CNIH3: variants seen among roughly 807,000 people sequenced by gnomAD.
CNIH3 encodes cornichon family AMPA receptor auxiliary protein 3, also known as protein cornichon homolog 3.
In CNIH3, 14 loss-of-function variants were observed where a neutral mutation model predicts 24.1. The ratio of observed to expected loss-of-function variants is 0.58; its 90% CI spans 0.38 to 0.91. CNIH3 has a LOEUF of 0.91. Ranked by LOEUF, CNIH3 falls within the 40% of genes least tolerant of loss-of-function variation. The pLI, the probability that CNIH3 is intolerant of heterozygous loss-of-function variation, is 0.00. For synonymous variants in CNIH3, 68 were observed against 73.8 expected (o/e 0.92, Z 0.40); for missense variants, 178 against 196.8 (o/e 0.90, Z 0.57).
intron 3 of CNIH3, among the ~76,000 whole-genome samples, chr1:224,700,163 A>G (rs1687405045): frequency 1.3e-5 from 2 of 152,182 alleles, no homozygotes; most frequent in Admixed American, 6.5e-5. Flanking sequence ...TATGGAGGCC[A>G]CTAATAAAAC....
chr1:224,711,844 C>G (rs987275282), intron 3 of CNIH3, among the ~76,000 whole-genome samples: 2 of 145,964 alleles, frequency 1.4e-5, no homozygotes, highest in African/African-American at 5.0e-5. Context: ...GTTGGCTTCT[C>G]TAAAGCCTCT....
intron 3 of CNIH3, among the ~76,000 whole-genome samples, chr1:224,728,166 G>A (rs1220600017): frequency 6.6e-6 from 1 of 152,228 alleles, no homozygotes; most frequent in African/African-American, 2.4e-5. Flanking sequence ...CTCTAAACAT[G>A]TTAATTGCCT....
intron 1 of CNIH3, among the ~76,000 whole-genome samples, chr1:224,470,315 G>C (rs1233522396): frequency 6.7e-6 from 1 of 149,318 alleles, no homozygotes; most frequent in Non-Finnish European, 1.5e-5. Context: ...ACTGTGCCTG[G>C]CCTTTTTTTT....
rs904069539 is a variant in CNIH3, at chr1:224,696,668, A to C, written c.198+11825A>C. 4.9e-4 allele frequency among the ~76,000 whole-genome samples: 74 copies of C among 152,122 alleles called. 1 individual carries two copies. The highest frequency in any genetic ancestry group is 4.8e-3 in the Admixed American group (74 of 15,272). Reference sequence around the variant, plus strand: ...AGTGCTGGCTGTTGGCTTTGATGGAACAGCCCAATAGGTACCAATCTGAAT... The same window carrying C: ...AGTGCTGGCTGTTGGCTTTGATGGACCAGCCCAATAGGTACCAATCTGAAT... On this transcript the variant is annotated intron_variant, in intron 3 of 5. Coordinates refer to ENST00000272133, the MANE Select transcript of CNIH3 (RefSeq NM_152495.2).
intron 3 of CNIH3, among the ~76,000 whole-genome samples, chr1:224,719,967 C>T (rs1468971783): frequency 2.6e-5 from 4 of 152,236 alleles, no homozygotes; most frequent in African/African-American, 7.2e-5. Context: ...AGACAACCCC[C>T]TCTGCCTGGG....
rs1055344097 is a variant in CNIH3 at position 224,630,506 on chromosome 1, C to A, written c.81+13251C>A. Among the ~76,000 whole-genome samples, 9 of 152,118 alleles carry A rather than the reference C, an allele frequency of 5.9e-5. 1 individual carries two copies. Among genetic ancestry groups the A allele is most frequent in the African/African-American group, 2.2e-4 (9 of 41,418 alleles). The stretch of plus-strand genomic sequence containing the variant: ...AGGTAGTTTCTCTCTCACACATGTA[C>A]ACAATTACCACCGCAACAAAAAATT... On this transcript the variant is annotated intron_variant, in intron 1 of 5. Coordinates refer to ENST00000272133, the MANE Select transcript of CNIH3 (RefSeq NM_152495.2).
chr1:224,440,902 T>C (rs912560056), intron 1 of CNIH3, among the ~76,000 whole-genome samples: 9 of 151,952 alleles, frequency 5.9e-5, no homozygotes, highest in Non-Finnish European at 1.2e-4. Context: ...CTGCAAGCTC[T>C]GCCTCCCGGG....
At position 224,703,901 on chromosome 1, in the gene CNIH3, G is replaced by A. The variant is rs1013577233; in HGVS notation, c.198+19058G>A. 6.6e-6 allele frequency among the ~76,000 whole-genome samples: 1 copy of A among 152,190 alleles called. No homozygotes were observed. The highest frequency in any genetic ancestry group is 1.5e-5 in the Non-Finnish European group (1 of 68,038). ...ATTCTCCCTGCAGCACACCTGAGTC[G>A]CTGCTGCTCTGCAGGCCTCCCACCT... On this transcript the variant is annotated intron_variant, in intron 3 of 5. Coordinates refer to ENST00000272133, the MANE Select transcript of CNIH3 (RefSeq NM_152495.2). This position sits in a 1 kb window ranked among gnomAD's most constrained non-coding sequence, Gnocchi z 4.2.
rs1689775422 is a variant in CNIH3 at position 224,739,650 on chromosome 1, C to T, written c.*294C>T. The T allele has an allele frequency of 2.0e-6, 1 of 492,746 alleles. No individual in the cohort carries two copies. Among genetic ancestry groups the T allele is most frequent in the Non-Finnish European group, 3.5e-6 (1 of 284,940 alleles). The allele number at this position is 492,746 out of a possible 1,614,324, so 30.5% of individuals were successfully genotyped here. A position where few individuals can be genotyped will look rare whatever the true frequency, so the allele number is the denominator to read the frequency against. On this transcript the variant is annotated 3_prime_UTR_variant, in exon 6 of 6. Coordinates refer to ENST00000272133, the MANE Select transcript of CNIH3 (RefSeq NM_152495.2). ...GAGTAGGTGACGAAACACTAGACCT[C>T]TCCTGAGAGAGAATTGCTGCTTCCT...
chr1:224,570,378 C>T (rs987790022), intron 4 of CNIH3, among the ~76,000 whole-genome samples: 3 of 152,122 alleles, frequency 2.0e-5, no homozygotes, highest in Non-Finnish European at 4.4e-5. Flanking sequence ...TCCACATGTA[C>T]CCAGTGTTTA....
Position 224,616,820 on chromosome 1 carries a change from G to A in CNIH3, c.-355G>A, listed in dbSNP as rs1683023473. 1 of 1,106,990 alleles carries A rather than the reference G, an allele frequency of 9.0e-7. No individual in the cohort carries two copies. Among genetic ancestry groups the A allele is most frequent in the African/African-American group, 1.6e-5 (1 of 61,074 alleles). The allele number at this position is 1,106,990 out of a possible 1,614,324, so 68.6% of individuals were successfully genotyped here. A position where few individuals can be genotyped will look rare whatever the true frequency, so the allele number is the denominator to read the frequency against. On this transcript the variant is annotated 5_prime_UTR_variant, in exon 1 of 6. Transcript: ENST00000272133. ...ACCTCCTCCCTCGGTCCTCCGTGGAGTCGTCGCATCGCTTGTCGTGTTGGT... is the reference window on the plus strand; with the variant it reads ...ACCTCCTCCCTCGGTCCTCCGTGGAATCGTCGCATCGCTTGTCGTGTTGGT...
intron 5 of CNIH3, among the ~76,000 whole-genome samples, chr1:224,585,923 G>A (rs548070511): frequency 4.6e-5 from 7 of 152,308 alleles, no homozygotes; most frequent in Non-Finnish European, 8.8e-5. Context: ...TCCATAAGCA[G>A]CATTAGTCTT....
chr1:224,490,924 G>T (rs192916292), intron 1 of CNIH3, among the ~76,000 whole-genome samples: 2 of 152,324 alleles, frequency 1.3e-5, no homozygotes, highest in African/African-American at 4.8e-5. Context: ...TACAGAAACA[G>T]CTGGATTGGC....
intron 3 of CNIH3, among the ~76,000 whole-genome samples, chr1:224,564,573 G>A (rs1170876730): frequency 6.6e-6 from 1 of 152,220 alleles, no homozygotes; most frequent in Non-Finnish European, 1.5e-5. Context: ...TGAAGAGGAT[G>A]AGAAATCACA....
At chr1:224,648,565 T>G (rs538124180) in intron 1 of CNIH3, among the ~76,000 whole-genome samples, 2 of 152,318 alleles carry the variant, frequency 1.3e-5, no homozygotes, top group South Asian at 4.1e-4. Flanking sequence ...TAGGCATTCT[T>G]CATTCTTCAG....
At chr1:224,601,905 A>G (rs1421561094) in intron 3 of CNIH3, among the ~76,000 whole-genome samples, 1 of 152,234 alleles carries the variant, frequency 6.6e-6, no homozygotes, top group Non-Finnish European at 1.5e-5. Context: ...ATATGCAGAA[A>G]TGTTTCTAAA....
At chr1:224,498,726 C>T (rs1677534111) in intron 1 of CNIH3, among the ~76,000 whole-genome samples, 1 of 152,200 alleles carries the variant, frequency 6.6e-6, no homozygotes. Flanking sequence ...AGAACACGGG[C>T]AGCCAGGTTA....
At chr1:224,550,756 G>C (rs989877729) in intron 3 of CNIH3, among the ~76,000 whole-genome samples, 2 of 152,150 alleles carry the variant, frequency 1.3e-5, no homozygotes, top group Admixed American at 1.3e-4. Flanking sequence ...ACAATGTGCA[G>C]GTGAGTTACA....
chr1:224,629,618 C>G (rs1464131361), intron 1 of CNIH3, among the ~76,000 whole-genome samples: 1 of 152,084 alleles, frequency 6.6e-6, no homozygotes, highest in Non-Finnish European at 1.5e-5. Flanking sequence ...GTACGAGCAT[C>G]CAGGGCTTGA....
Sources: gnomAD v4.1 joint callset for allele counts (sites outside exome capture counted in the v4.1 genomes callset) on GRCh38, gnomAD v4.1.1 for gene constraint, Gnocchi (gnomAD v3.1) non-coding constraint, MANE v1.5 for transcripts, NCBI Gene and HGNC (gene_info 2026-07-23, HGNC 2026-07-21) for gene names.